Variants in EPB41L2 observed in about 807,000 individuals in gnomAD.
The protein encoded by EPB41L2 is band 4.1-like protein 2.
In EPB41L2, 43 loss-of-function variants were observed where a neutral mutation model predicts 113.0. That is an observed-to-expected ratio of 0.38 (90% confidence interval 0.30 to 0.49). The LOEUF is 0.49. Among genes scored for constraint, EPB41L2 ranks in the 20% least tolerant of loss-of-function variants. The probability of loss-of-function intolerance (pLI) is 0.95; values close to 1 mark genes in which losing one functional copy is unlikely to be tolerated. For missense variants in EPB41L2, 1,147 were observed against 1,223.4 expected, an observed-to-expected ratio of 0.94 and a Z score of 0.93; for synonymous variants, 442 against 436.7, an observed-to-expected ratio of 1.01 and a Z score of -0.15.
At chr6:130,865,705 C>A in intron 16 of EPB41L2, 71 bp from the exon 17 acceptor site, 2 of 1,457,734 alleles carry the variant, frequency 1.4e-6, no homozygotes, top group African/African-American at 1.4e-5. Flanking sequence ...AGATCCCCGC[C>A]CCATCGAATA....
intron 14 of EPB41L2, among the ~76,000 whole-genome samples, chr6:130,871,815 G>A (rs761417655): frequency 1.8e-4 from 28 of 152,252 alleles, no homozygotes; most frequent in Non-Finnish European, 3.2e-4. Context: ...AACATATCCA[G>A]TGACCAGAAC....
chr6:130,905,580 G>A (rs946168193), intron 5 of EPB41L2, among the ~76,000 whole-genome samples: 1 of 151,898 alleles, frequency 6.6e-6, no homozygotes, highest in Non-Finnish European at 1.5e-5. Context: ...TACGATGTCC[G>A]GCTAACTTAT....
intron 1 of EPB41L2, among the ~76,000 whole-genome samples, chr6:131,040,805 A>C (rs1052618233): frequency 6.6e-6 from 1 of 152,178 alleles, no homozygotes; most frequent in East Asian, 1.9e-4. Flanking sequence ...CCTTACCAAA[A>C]ATGTTTGTTC....
intron 1 of EPB41L2, among the ~76,000 whole-genome samples, chr6:130,991,384 C>T (rs1381360023): frequency 6.6e-6 from 1 of 152,158 alleles, no homozygotes; most frequent in East Asian, 1.9e-4. Flanking sequence ...TTACAGTTTA[C>T]AGAGCCTTCA....
chr6:130,853,492 G>A (rs755155061), intron 19 of EPB41L2, among the ~76,000 whole-genome samples: 7 of 152,142 alleles, frequency 4.6e-5, no homozygotes, highest in African/African-American at 7.2e-5. Context: ...GGGCTAAGCC[G>A]GCAGGAGGGA....
rs184368066 is a variant in EPB41L2, at chr6:131,054,239, T to G, written c.-15+8916A>C. Among the ~76,000 whole-genome samples the G allele has an allele frequency of 4.6e-3, 694 of 152,334 alleles. 15 individuals carry two copies. Among genetic ancestry groups the G allele is most frequent in the East Asian group, 2.7e-3 (14 of 5,182 alleles). On this transcript the variant is annotated intron_variant, in intron 1 of 19. Transcript: ENST00000337057. The stretch of plus-strand genomic sequence containing the variant: ...ATCTCCTTATGTTGTCAAGCAGACT[T>G]GTAACGGGGTTTCTCATTTGTCTGG...
At chr6:131,040,704 C>T (rs1794293930) in intron 1 of EPB41L2, among the ~76,000 whole-genome samples, 1 of 152,172 alleles carries the variant, frequency 6.6e-6, no homozygotes, top group Non-Finnish European at 1.5e-5. Context: ...TCACCTTACT[C>T]AATCTTAGCT....
intron 1 of EPB41L2, among the ~76,000 whole-genome samples, chr6:131,021,868 C>A (rs1025940015): frequency 1.3e-5 from 2 of 152,142 alleles, no homozygotes; most frequent in Non-Finnish European, 2.9e-5. Flanking sequence ...CTCATAATTA[C>A]CACACTATAA....
At chr6:130,927,884 G>A (rs937283168) in intron 3 of EPB41L2, among the ~76,000 whole-genome samples, 3 of 152,090 alleles carry the variant, frequency 2.0e-5, no homozygotes, top group Admixed American at 6.6e-5. Flanking sequence ...CTTGAGCTCA[G>A]GAGTTCAAGA....
rs554404919 is a variant in EPB41L2 at position 130,938,143 on chromosome 6, C to T, written c.706-11434G>A. 6.6e-5 allele frequency among the ~76,000 whole-genome samples: 10 copies of T among 152,292 alleles called. No homozygotes were observed. In the East Asian group the frequency reaches 9.6e-4, roughly 15 times the overall value. ...GGACGTGACACAAAAGGAGAGGTCT[C>T]GATGAGTTTCCTAACAACAGTAGTT... On this transcript the variant is annotated intron_variant, in intron 3 of 19. Transcript: ENST00000337057.
At chr6:131,032,742 C>T (rs1339872505) in intron 1 of EPB41L2, among the ~76,000 whole-genome samples, 1 of 152,150 alleles carries the variant, frequency 6.6e-6, no homozygotes, top group East Asian at 1.9e-4. Context: ...AAAATAATAA[C>T]CATAAGGTAA....
At position 130,890,366 on chromosome 6, in the gene EPB41L2, T is replaced by G. The variant is rs1792400345; in HGVS notation, c.1588A>C (p.Thr530Pro). ...TGTGGTGCTGGCCTATCTATGAGGGTGCTGGCCTGGCGGGTCTGTGCTTGG... is the reference window on the plus strand; with the variant it reads ...TGTGGTGCTGGCCTATCTATGAGGGGGCTGGCCTGGCGGGTCTGTGCTTGG... The part of the protein sequence containing the change: ...RTQAQTRQAS[T>P]LIDRPAPHFE... The change falls in exon 11 of 20, where the codon ACC becomes CCC. Residue 530 changes from threonine (T) to proline (P), a missense_variant. Transcript: ENST00000337057. The G allele has an allele frequency of 6.2e-7, 1 of 1,613,424 alleles. No homozygotes were observed. The highest frequency in any genetic ancestry group is 1.3e-5 in the African/African-American group (1 of 74,732).
chr6:130,910,611 T>A (rs1799069527), intron 4 of EPB41L2, among the ~76,000 whole-genome samples: 2 of 151,956 alleles, frequency 1.3e-5, no homozygotes, highest in Non-Finnish European at 2.9e-5. Context: ...TGGGAGAAAA[T>A]TTTTGCAATC....
chr6:131,040,755 T>C (rs913897957), intron 1 of EPB41L2, among the ~76,000 whole-genome samples: 2 of 152,354 alleles, frequency 1.3e-5, no homozygotes, highest in Non-Finnish European at 2.9e-5. Context: ...GTGCCTGATA[T>C]GAAGCAATGT....
At chr6:130,855,059 C>T (rs566617644) in intron 19 of EPB41L2, among the ~76,000 whole-genome samples, 1 of 149,586 alleles carries the variant, frequency 6.7e-6, no homozygotes, top group African/African-American at 2.5e-5. Context: ...TAAATAAAAC[C>T]ATTAGGGGGC....
At chr6:131,031,205 T>C (rs991432532) in intron 1 of EPB41L2, among the ~76,000 whole-genome samples, 12 of 152,206 alleles carry the variant, frequency 7.9e-5, no homozygotes, top group Admixed American at 4.6e-4. Context: ...TTGGCTTAAG[T>C]ATTCAACTTA....
intron 5 of EPB41L2, 24 bp from the exon 6 acceptor site, chr6:130,904,564 T>C (rs1323474519): frequency 2.1e-6 from 3 of 1,460,940 alleles, no homozygotes; most frequent in Non-Finnish European, 2.9e-6. Flanking sequence ...ATATCACAGT[T>C]ATGCACCCAA....
At chr6:130,887,397 C>A (rs1791381658) in intron 11 of EPB41L2, among the ~76,000 whole-genome samples, 1 of 151,952 alleles carries the variant, frequency 6.6e-6, no homozygotes, top group Non-Finnish European at 1.5e-5. Context: ...TGTTCTCTTG[C>A]ATCAAATGAT....
intron 1 of EPB41L2, among the ~76,000 whole-genome samples, chr6:130,965,911 T>C (rs1775024145): frequency 6.6e-6 from 1 of 152,130 alleles, no homozygotes; most frequent in Admixed American, 6.5e-5. Flanking sequence ...TTTAAACTAG[T>C]AATCCTGCTT....
Sources: gnomAD v4.1 joint callset for allele counts (sites outside exome capture counted in the v4.1 genomes callset) on GRCh38, gnomAD v4.1.1 for gene constraint, MANE v1.5 for transcripts, NCBI Gene and HGNC (gene_info 2026-07-23, HGNC 2026-07-21) for gene names.